HDLBP: variants seen among roughly 807,000 people sequenced by gnomAD.
HDLBP encodes the protein high density lipoprotein binding protein.
Under a neutral mutation model 137.3 loss-of-function variants are expected in HDLBP, and 30 were observed. The observed-to-expected ratio is 0.22, with a 90% CI of 0.16 to 0.30. HDLBP has a LOEUF of 0.30. Among genes scored for constraint, HDLBP ranks in the 10% least tolerant of loss-of-function variants. HDLBP has a pLI of 1.00. For missense variants in HDLBP, 1,119 were observed against 1,667.3 expected, an observed-to-expected ratio of 0.67 and a Z score of 5.73; for synonymous variants, 606 against 596.0, an observed-to-expected ratio of 1.02 and a Z score of -0.24.
chr2:241,229,646 C>T lies in HDLBP; in HGVS notation c.3762G>A (p.Gly1254=). The change falls in exon 28 of 28, where the codon GGG becomes GGA. Residue 1254 remains glycine, a synonymous_variant. Transcript: ENST00000310931. ...GGAGGGTCTTGGGAGCCACCTGAGCCCCAAAGCTGGGAAATTCCTCAGAGC... is the reference window on the plus strand; with the variant it reads ...GGAGGGTCTTGGGAGCCACCTGAGCTCCAAAGCTGGGAAATTCCTCAGAGC... ...MSSSEEFPSF[G]AQVAPKTLPW... 6.2e-7 allele frequency: 1 copy of T among 1,614,144 alleles called. No individual in the cohort carries two copies. The highest frequency in any genetic ancestry group is 1.1e-5 in the South Asian group (1 of 91,066).
Position 241,227,987 on chromosome 2 carries a change from T to C in HDLBP, c.*1614A>G, listed in dbSNP as rs757033137. 1.3e-5 allele frequency: 2 copies of C among 152,246 alleles called. No individual in the cohort carries two copies. Among genetic ancestry groups the C allele is most frequent in the Non-Finnish European group, 2.9e-5 (2 of 68,054 alleles). The allele number at this position is 152,246 out of a possible 1,614,324, so 9.4% of individuals were successfully genotyped here. ...TTTACCATTCCTGTAAACAGGCCCATTCAGGGCTGCCTGAGCAAATGGGGA... is the reference window on the plus strand; with the variant it reads ...TTTACCATTCCTGTAAACAGGCCCACTCAGGGCTGCCTGAGCAAATGGGGA... On this transcript the variant is annotated 3_prime_UTR_variant, in exon 28 of 28. Transcript: ENST00000310931.
chr2:241,250,671 G>A (rs977682581), intron 11 of HDLBP: 2 of 152,252 alleles, frequency 1.3e-5, no homozygotes, highest in African/African-American at 4.8e-5. Flanking sequence ...TTGCTGGAAG[G>A]ACCACGAGGA....
chr2:241,252,772 C>A (rs1310905150), intron 11 of HDLBP, among the ~76,000 whole-genome samples, 185 bp downstream of exon 11: 1 of 152,224 alleles, frequency 6.6e-6, no homozygotes, highest in East Asian at 1.9e-4. Flanking sequence ...AATCCAACCA[C>A]TGCACCAAAG....
Position 241,272,800 on chromosome 2 carries a change from C to T in HDLBP, c.-102-4259G>A, listed in dbSNP as rs2149587423. 1 of 274,946 alleles carries T rather than the reference C, an allele frequency of 3.6e-6. No individual in the cohort carries two copies. The highest frequency in any genetic ancestry group is 2.0e-3 in the Middle Eastern group (1 of 512). The allele number at this position is 274,946 out of a possible 1,614,324, so 17.0% of individuals were successfully genotyped here. A position where few individuals can be genotyped will look rare whatever the true frequency, so the allele number is the denominator to read the frequency against. On this transcript the variant is annotated intron_variant, in intron 1 of 27. Coordinates refer to ENST00000310931, the MANE Select transcript of HDLBP (RefSeq NM_005336.6). The surrounding 1 kb of genome is among the most constrained non-coding windows in gnomAD (Gnocchi z 5.6). ...CCGCTGGTCCTGCCGCTGGCTTACT[C>T]GCCCCCCGCGCGGGAGAAGCCGGGA...
intron 1 of HDLBP, among the ~76,000 whole-genome samples, chr2:241,282,568 G>A (rs902016391): frequency 5.9e-5 from 9 of 152,300 alleles, no homozygotes; most frequent in African/African-American, 2.2e-4. Context: ...TTTATTATAG[G>A]CTGAAGGTTT....
chr2:241,238,882 C>T lies in HDLBP; in HGVS notation c.2611-95G>A, dbSNP rs1159165424. 44 of 998,998 alleles carry T rather than the reference C, an allele frequency of 4.4e-5. 1 individual carries two copies. The Admixed American group carries it at 1.2e-3, about 26-fold the overall frequency. The allele number at this position is 998,998 out of a possible 1,614,324, so 61.9% of individuals were successfully genotyped here. A position where few individuals can be genotyped will look rare whatever the true frequency, so the allele number is the denominator to read the frequency against. ...CTCTTCACACCACCTTCCTCCCTGT[C>T]CTCTACAGCCACTTGGCACAGATGC... On this transcript the variant is annotated intron_variant, in intron 19 of 27. Transcript: ENST00000310931. This position sits in a 1 kb window ranked among gnomAD's most constrained non-coding sequence, Gnocchi z 4.9.
intron 1 of HDLBP, among the ~76,000 whole-genome samples, chr2:241,288,354 G>A (rs566780047): frequency 7.2e-5 from 11 of 151,942 alleles, no homozygotes; most frequent in Admixed American, 4.6e-4. Context: ...TTTACCATGT[G>A]GAGAGCATTT....
intron 23 of HDLBP, among the ~76,000 whole-genome samples, chr2:241,234,429 C>T (rs531287515): frequency 6.6e-6 from 1 of 152,346 alleles, no homozygotes; most frequent in South Asian, 2.1e-4. Flanking sequence ...CTGCAGGAGA[C>T]AACCCAGAGT....
intron 23 of HDLBP, 148 bp from the exon 24 acceptor site, chr2:241,234,111 G>C (rs1269589695): frequency 1.2e-6 from 1 of 818,388 alleles, no homozygotes; most frequent in East Asian, 2.6e-5. Flanking sequence ...TCTCTGGTCC[G>C]ACCTCTGCCA....
chr2:241,229,784 G>GGGGCCCCCCCCCCCC, intron 27 of HDLBP, 49 bp downstream of exon 27: 1 of 1,502,546 alleles, frequency 6.7e-7, no homozygotes, highest in Non-Finnish European at 9.1e-7. Context: ...AAGCCCGCCT[G>GGGGCCCCCCCCCCCC]CCCGCCCACC....
chr2:241,229,560 T>C lies in HDLBP; in HGVS notation c.*41A>G, dbSNP rs1198454140. On this transcript the variant is annotated 3_prime_UTR_variant, in exon 28 of 28. Transcript: ENST00000310931. ...GAGACAAACCATTGTGTGGTTGGGT[T>C]TGGGTCAGCAGGCTGGAGAGGGTTC... 1 of 1,466,600 alleles carries C rather than the reference T, an allele frequency of 6.8e-7. No homozygotes were observed. The allele number at this position is 1,466,600 out of a possible 1,614,324, so 90.8% of individuals were successfully genotyped here.
chr2:241,312,769 A>C (rs929360347), intron 1 of HDLBP, among the ~76,000 whole-genome samples: 1 of 152,110 alleles, frequency 6.6e-6, no homozygotes, highest in Non-Finnish European at 1.5e-5. Flanking sequence ...TCTCTGCTTA[A>C]GCCCTTTCTG....
intron 15 of HDLBP, 65 bp from the exon 16 acceptor site, chr2:241,246,948 G>A: frequency 1.9e-6 from 3 of 1,593,704 alleles, no homozygotes; most frequent in Admixed American, 3.3e-5. Flanking sequence ...ACACAGTTGA[G>A]CACAGGGCTA....
chr2:241,249,721 C>A, intron 12 of HDLBP, 120 bp downstream of exon 12: 1 of 966,692 alleles, frequency 1.0e-6, no homozygotes, highest in Non-Finnish European at 1.5e-6. Context: ...GGTTCCAGTG[C>A]AACGTGGGAT....
intron 1 of HDLBP, among the ~76,000 whole-genome samples, chr2:241,281,466 A>G (rs1452289780): frequency 6.6e-6 from 1 of 152,242 alleles, no homozygotes; most frequent in Non-Finnish European, 1.5e-5. Context: ...GGTTGCAATG[A>G]GTTGAGATCG....
intron 4 of HDLBP, among the ~76,000 whole-genome samples, chr2:241,263,331 G>A (rs752175522): frequency 2.0e-5 from 3 of 152,232 alleles, no homozygotes; most frequent in African/African-American, 4.8e-5. Context: ...GTGGATGGGG[G>A]CGGAGCCTGG....
At chr2:241,286,337 G>T (rs2074807948) in intron 1 of HDLBP, among the ~76,000 whole-genome samples, 1 of 152,180 alleles carries the variant, frequency 6.6e-6, no homozygotes, top group African/African-American at 2.4e-5. Flanking sequence ...GTCTAGCTGG[G>T]AACTGCTTAG....
intron 1 of HDLBP, among the ~76,000 whole-genome samples, chr2:241,300,691 A>G (rs1266809915): frequency 6.6e-6 from 1 of 152,204 alleles, no homozygotes; most frequent in Non-Finnish European, 1.5e-5. Context: ...AGACCTTCAC[A>G]TCACCACCTC....
Position 241,235,155 on chromosome 2 carries a change from C to T in HDLBP, c.3110G>A (p.Arg1037His), listed in dbSNP as rs1559478259. Residue 1037 changes from arginine (R) to histidine (H), a missense_variant, in exon 23 of 28, where the codon CGT becomes CAT. By Grantham distance (29) the Arg-to-His change is conservative (BLOSUM62 0). This residue lies in a region of HDLBP where 618 missense variants were observed against 816.7 expected (regional missense o/e 0.76). Coordinates refer to ENST00000310931, the MANE Select transcript of HDLBP (RefSeq NM_005336.6). The part of the protein sequence containing the change: ...LDRAKAGLLE[R>H]VKELQAEQED... Reference sequence around the variant, plus strand: ...CTGCTCGGCCTGTAGCTCCTTCACACGCTCCAGCAGTCCAGCCTTGGCCCG... The same window carrying T: ...CTGCTCGGCCTGTAGCTCCTTCACATGCTCCAGCAGTCCAGCCTTGGCCCG... 6.2e-6 allele frequency: 10 copies of T among 1,614,010 alleles called. No individual in the cohort carries two copies. Among genetic ancestry groups the T allele is most frequent in the Non-Finnish European group, 8.5e-6 (10 of 1,180,022 alleles).
Sources: gnomAD v4.1 joint callset for allele counts (sites outside exome capture counted in the v4.1 genomes callset) on GRCh38, gnomAD v4.1.1 for gene constraint, gnomAD v4.1.1 regional missense constraint, Gnocchi (gnomAD v3.1) non-coding constraint, MANE v1.5 for transcripts, NCBI Gene and HGNC (gene_info 2026-07-23, HGNC 2026-07-21) for gene names.